The following DTHD1 variants were observed in gnomAD, a reference collection of about 807,000 sequenced individuals.
The protein encoded by DTHD1 is death domain-containing protein 1.
In DTHD1, 59 loss-of-function variants were observed where a neutral mutation model predicts 74.8. That is an observed-to-expected ratio of 0.79 (90% confidence interval 0.64 to 0.98). DTHD1 has a LOEUF of 0.98. Ranked by LOEUF, DTHD1 falls within the 50% of genes least tolerant of loss-of-function variation. The pLI is 0.00. For missense variants in DTHD1, 1,051 were observed against 1,065.4 expected (o/e 0.99, Z 0.19); for synonymous variants, 365 against 371.1 (o/e 0.98, Z 0.19).
rs932191475 is a variant in DTHD1, at chr4:36,347,153, GT to G, written c.*3334del. 6.6e-6 allele frequency among the ~76,000 whole-genome samples: 1 copy of G among 152,066 alleles called. No homozygotes were observed. Among genetic ancestry groups the G allele is most frequent in the Admixed American group, 6.5e-5 (1 of 15,270 alleles). ...AAATTACTGTCTTATTAAATTATGA[GT>G]TTTTAATGTCTTCGAATGTTTTAAT... is the stretch of plus-strand genomic sequence containing the variant. On this transcript the variant is annotated 3_prime_UTR_variant, in exon 10 of 10. Coordinates refer to ENST00000639862, the MANE Select transcript of DTHD1 (RefSeq NM_001170700.3).
intron 8 of DTHD1, among the ~76,000 whole-genome samples, chr4:36,323,583 A>ATTTTTTTTTTTTTTTTTTTGAG (rs1553970960): frequency 6.7e-6 from 1 of 148,678 alleles, no homozygotes; most frequent in African/African-American, 2.4e-5. Flanking sequence ...TAGGTATTTT[A>ATTTTTTTTTTTTTTTTTTTGAG]AAAAGCAGAT....
In DTHD1 at chr4:36,284,493, A is replaced by G. The variant is rs1467171327; in HGVS notation, c.789A>G (p.Thr263=). Residue 263 remains threonine, a synonymous_variant, in exon 2 of 10, where the codon ACA becomes ACG. Coordinates refer to ENST00000639862, the MANE Select transcript of DTHD1 (RefSeq NM_001170700.3). ...AAAGCCCAAGAGAAGAGATGACCAC[A>G]TCCTCAATAATATGTGATATCTCCA... ...TSESPREEMT[T]SSIICDISKK... The G allele has an allele frequency of 3.3e-6, 5 of 1,537,006 alleles. No homozygotes were observed. The highest frequency in any genetic ancestry group is 4.4e-6 in the Non-Finnish European group (5 of 1,146,752).
At chr4:36,337,056 G>A (rs558907815) in intron 8 of DTHD1, among the ~76,000 whole-genome samples, 2 of 152,236 alleles carry the variant, frequency 1.3e-5, no homozygotes, top group South Asian at 2.1e-4. Flanking sequence ...GAGACCGCAC[G>A]AGGCCAAATG....
At position 36,306,291 on chromosome 4, in the gene DTHD1, G is replaced by T; in HGVS notation, c.1744G>T (p.Asp582Tyr). Residue 582 changes from aspartate to tyrosine, a missense_variant, in exon 6 of 10, where the codon GAT (aspartate) becomes TAT (tyrosine). Coordinates refer to ENST00000639862, the MANE Select transcript of DTHD1 (RefSeq NM_001170700.3). ...AGACAGTGGTTGGTGTGGGCTTGAT[G>T]ATGTTGTGAAAACCATACAGAGCGG... ...SQDSGWCGLD[D>Y]VVKTIQSGLV... 6.4e-7 allele frequency: 1 copy of T among 1,551,712 alleles called. No individual in the cohort carries two copies. Among genetic ancestry groups the T allele is most frequent in the Non-Finnish European group, 8.7e-7 (1 of 1,146,976 alleles).
chr4:36,313,550 C>A (rs933907863), intron 7 of DTHD1, among the ~76,000 whole-genome samples: 5 of 152,022 alleles, frequency 3.3e-5, no homozygotes, highest in Non-Finnish European at 5.9e-5. Flanking sequence ...TCCAACTTTC[C>A]AAAATTACAT....
At chr4:36,304,222 A>G (rs1756926273) in intron 5 of DTHD1, among the ~76,000 whole-genome samples, 1 of 152,240 alleles carries the variant, frequency 6.6e-6, no homozygotes, top group Non-Finnish European at 1.5e-5. Context: ...GAAAAAAATT[A>G]CATTGAAGTC....
rs1035490305 is a variant in DTHD1 at position 36,346,927 on chromosome 4, A to G, written c.*3103A>G. 6.6e-6 allele frequency among the ~76,000 whole-genome samples: 1 copy of G among 152,088 alleles called. No individual in the cohort carries two copies. Among genetic ancestry groups the G allele is most frequent in the Admixed American group, 6.5e-5 (1 of 15,270 alleles). ...TCTTGTTGTTTGGAGTAACTGTGTT[A>G]TTCCTTGCAGTTCCCCTACATCCTG... On this transcript the variant is annotated 3_prime_UTR_variant, in exon 10 of 10. Coordinates refer to ENST00000639862, the MANE Select transcript of DTHD1 (RefSeq NM_001170700.3).
At chr4:36,342,336 T>C (rs1328916445) in intron 9 of DTHD1, among the ~76,000 whole-genome samples, 1 of 151,980 alleles carries the variant, frequency 6.6e-6, no homozygotes, top group Admixed American at 6.6e-5. Context: ...TACAGGAGTG[T>C]GTAGGAGGAA....
At chr4:36,326,371 T>A (rs1758345312) in intron 8 of DTHD1, among the ~76,000 whole-genome samples, 1 of 150,454 alleles carries the variant, frequency 6.6e-6, no homozygotes, top group South Asian at 2.1e-4. Flanking sequence ...AATTATTCCC[T>A]GCTAGTAACT....
rs371571673 is a variant in DTHD1, at chr4:36,290,722, A to G, written c.1218+19A>G. 3 of 1,513,586 alleles carry G rather than the reference A, an allele frequency of 2.0e-6. No individual in the cohort carries two copies. The South Asian group carries it at 3.7e-5, about 19-fold the overall frequency. 93.8% of individuals were successfully genotyped at this position (1,513,586 alleles called of 1,614,324 possible). A position where few individuals can be genotyped will look rare whatever the true frequency, so the allele number is the denominator to read the frequency against. On this transcript the variant is annotated intron_variant, in intron 3 of 9. Transcript: ENST00000639862. ...TTATAAGGTTAGTAAATTCTTGGCT[A>G]TATCTACATTTGCTGTTTGGCTCCT...
At chr4:36,286,951 T>G (rs900609240) in intron 2 of DTHD1, among the ~76,000 whole-genome samples, 6 of 152,236 alleles carry the variant, frequency 3.9e-5, no homozygotes, top group African/African-American at 1.4e-4. Flanking sequence ...ATTTTATTTT[T>G]AAAAGTTTTA....
intron 9 of DTHD1, among the ~76,000 whole-genome samples, chr4:36,339,982 G>A (rs367753480): frequency 4.0e-4 from 61 of 152,340 alleles, no homozygotes; most frequent in African/African-American, 1.2e-3. Flanking sequence ...TAATAATGCT[G>A]TTAACCTTTG....
intron 8 of DTHD1, among the ~76,000 whole-genome samples, chr4:36,320,211 T>C (rs1351406891): frequency 2.0e-5 from 3 of 152,210 alleles, no homozygotes; most frequent in African/African-American, 4.8e-5. Flanking sequence ...GTTTTATACA[T>C]CTGAAAGAGT....
At position 36,323,284 on chromosome 4, in the gene DTHD1, A is replaced by G. The variant is rs1336843707; in HGVS notation, c.2340+6798A>G. ...ATAACTTGCTGTGTCAAAGGGAGGAAGCAGGCAGATGGCAGTGCAAGAATC... is the reference window on the plus strand; with the variant it reads ...ATAACTTGCTGTGTCAAAGGGAGGAGGCAGGCAGATGGCAGTGCAAGAATC... On this transcript the variant is annotated intron_variant, in intron 8 of 9. Coordinates refer to ENST00000639862, the MANE Select transcript of DTHD1 (RefSeq NM_001170700.3). 2.6e-5 allele frequency among the ~76,000 whole-genome samples: 4 copies of G among 152,192 alleles called. No homozygotes were observed. In the South Asian group the frequency reaches 8.3e-4, roughly 31 times the overall value.
Position 36,338,747 on chromosome 4 carries a change from C to T in DTHD1, c.2341-365C>T, listed in dbSNP as rs146032319. On this transcript the variant is annotated intron_variant, in intron 8 of 9. Coordinates refer to ENST00000639862, the MANE Select transcript of DTHD1 (RefSeq NM_001170700.3). ...TGCTGTGTTGAGGCAAAGTGCCTGC[C>T]CCACAAGGGATTTTACAAAATACCA... Among the ~76,000 whole-genome samples, 506 of 152,074 alleles carry T rather than the reference C, an allele frequency of 3.3e-3. 1 individual carries two copies. The highest frequency in any genetic ancestry group is 6.0e-3 in the Non-Finnish European group (405 of 67,990).
intron 5 of DTHD1, among the ~76,000 whole-genome samples, chr4:36,305,945 C>T (rs369222020): frequency 8.5e-5 from 13 of 152,296 alleles, no homozygotes; most frequent in Non-Finnish European, 1.0e-4. Flanking sequence ...CCACCCTGTA[C>T]GTTTCTTTAA....
Position 36,316,239 on chromosome 4 carries a change from T to G in DTHD1, c.2096-3T>G, listed in dbSNP as rs1459936009. The G allele has an allele frequency of 6.5e-6, 10 of 1,548,360 alleles. No homozygotes were observed. Among genetic ancestry groups the G allele is most frequent in the Non-Finnish European group, 5.2e-6 (6 of 1,146,254 alleles). On this transcript the variant is annotated splice_region_variant and splice_polypyrimidine_tract_variant and intron_variant, in intron 7 of 9. Coordinates refer to ENST00000639862, the MANE Select transcript of DTHD1 (RefSeq NM_001170700.3). ...GTAATAAATACATTTTACTTCTATT[T>G]AGGCAACGGGAAGGATTATGGAAAA...
At chr4:36,335,587 G>A (rs1758965127) in intron 8 of DTHD1, among the ~76,000 whole-genome samples, 1 of 152,116 alleles carries the variant, frequency 6.6e-6, no homozygotes. Context: ...TGTCTAACAT[G>A]TACAGGAATG....
intron 1 of DTHD1, 57 bp downstream of exon 1, chr4:36,282,086 A>T: frequency 7.0e-7 from 1 of 1,424,738 alleles, no homozygotes; most frequent in Non-Finnish European, 9.4e-7. Flanking sequence ...TTAGGGCAAG[A>T]TCTGAGAGGG....
Sources: gnomAD v4.1 joint callset for allele counts (sites outside exome capture counted in the v4.1 genomes callset) on GRCh38, gnomAD v4.1.1 for gene constraint, MANE v1.5 for transcripts, NCBI Gene and HGNC (gene_info 2026-07-23, HGNC 2026-07-21) for gene names.